NHSL1: variants seen among roughly 807,000 people sequenced by gnomAD.
The protein encoded by NHSL1 is NHS like 1.
NHSL1 carries 48 observed loss-of-function variants against 95.0 expected under a neutral mutation model. The ratio of observed to expected loss-of-function variants is 0.51; its 90% CI spans 0.40 to 0.64. The LOEUF is 0.64. Among genes scored for constraint, NHSL1 ranks in the 30% least tolerant of loss-of-function variants. NHSL1 has a pLI of 0.00. For missense variants in NHSL1, 1,971 were observed against 2,077.7 expected (o/e 0.95, Z 1.00); for synonymous variants, 783 against 833.9 (o/e 0.94, Z 1.05).
intron 1 of NHSL1, among the ~76,000 whole-genome samples, chr6:138,620,810 C>T (rs1161261163): frequency 6.6e-6 from 1 of 152,158 alleles, no homozygotes; most frequent in Non-Finnish European, 1.5e-5. Flanking sequence ...ACTGAGACTA[C>T]AGTAGATGGA....
At position 138,432,025 on chromosome 6, in the gene NHSL1, A is replaced by C; in HGVS notation, c.2320T>G (p.Ser774Ala). Residue 774 changes from serine (S) to alanine (A), a missense_variant, in exon 6 of 8, where the codon TCA (serine) becomes GCA (alanine). This residue lies in a region of NHSL1 where 1,602 missense variants were observed against 1,654.5 expected (regional missense o/e 0.97). Coordinates refer to ENST00000343505, the MANE Select transcript of NHSL1 (RefSeq NM_001144060.2). This position sits in a 1 kb window ranked among gnomAD's most constrained non-coding sequence, Gnocchi z 4.4. Reference sequence around the variant, plus strand: ...TAACCCCAGGGGTCCGTGTACTCTGACTTGACGCTGCTTGTGTCACTCTGC... The same window carrying C: ...TAACCCCAGGGGTCCGTGTACTCTGCCTTGACGCTGCTTGTGTCACTCTGC... Reference protein sequence around the residue: ...PSQSDTSSVKSEYTDPWGYYI... With the variant: ...PSQSDTSSVKAEYTDPWGYYI... The C allele has an allele frequency of 6.4e-7, 1 of 1,551,662 alleles. No individual in the cohort carries two copies. The highest frequency in any genetic ancestry group is 8.7e-7 in the Non-Finnish European group (1 of 1,146,980).
At chr6:138,544,538 T>C (rs1279145516) in intron 1 of NHSL1, among the ~76,000 whole-genome samples, 3 of 152,084 alleles carry the variant, frequency 2.0e-5, no homozygotes, top group African/African-American at 7.2e-5. Flanking sequence ...CAAAATAAGG[T>C]TAAAATTGCA....
chr6:138,437,504 A>G (rs1776268140), intron 5 of NHSL1, among the ~76,000 whole-genome samples: 1 of 149,916 alleles, frequency 6.7e-6, no homozygotes, highest in South Asian at 2.1e-4. Context: ...ATGAAGATGT[A>G]CAAAGTTTTC....
chr6:138,509,770 T>A (rs943136351), intron 1 of NHSL1, among the ~76,000 whole-genome samples: 8 of 152,170 alleles, frequency 5.3e-5, no homozygotes, highest in African/African-American at 1.9e-4. Context: ...ACATCACACC[T>A]TCAAAAAGAT....
intron 1 of NHSL1, among the ~76,000 whole-genome samples, chr6:138,661,089 T>C (rs981769161): frequency 1.3e-5 from 2 of 152,196 alleles, no homozygotes; most frequent in Non-Finnish European, 2.9e-5. Flanking sequence ...ATCAAGCTAA[T>C]TAGCATATCC....
At chr6:138,608,501 C>G (rs1443782814) in intron 1 of NHSL1, among the ~76,000 whole-genome samples, 1 of 152,160 alleles carries the variant, frequency 6.6e-6, no homozygotes, top group Non-Finnish European at 1.5e-5. Context: ...CTCAATAATT[C>G]CTGCTTTCTC....
At chr6:138,566,863 C>T (rs555490368) in intron 1 of NHSL1, among the ~76,000 whole-genome samples, 26 of 152,256 alleles carry the variant, frequency 1.7e-4, no homozygotes, top group African/African-American at 6.0e-4. Flanking sequence ...GTCTCTTTCA[C>T]AGAATGTCAA....
At chr6:138,466,646 T>C (rs1386139985) in intron 3 of NHSL1, among the ~76,000 whole-genome samples, 3 of 152,174 alleles carry the variant, frequency 2.0e-5, no homozygotes, top group African/African-American at 7.2e-5. Flanking sequence ...GGTGGTCCCA[T>C]AAGATCATAA....
intron 2 of NHSL1, among the ~76,000 whole-genome samples, chr6:138,478,731 T>C (rs550979529): frequency 6.6e-6 from 1 of 152,360 alleles, no homozygotes; most frequent in African/African-American, 2.4e-5. Context: ...CATATTCTTC[T>C]TGCAACAGAA....
intron 3 of NHSL1, chr6:138,464,119 C>G (rs551468164): frequency 1.9e-6 from 1 of 532,904 alleles, no homozygotes; most frequent in African/African-American, 2.0e-5. Flanking sequence ...CTATCCTCAC[C>G]GCTATCTGGT....
intron 3 of NHSL1, among the ~76,000 whole-genome samples, chr6:138,472,320 T>A (rs1778807385): frequency 6.6e-6 from 1 of 152,110 alleles, no homozygotes; most frequent in Non-Finnish European, 1.5e-5. Flanking sequence ...TACAATGGAG[T>A]GACCACAACT....
chr6:138,577,421 G>A (rs944055556), upstream of NHSL1, among the ~76,000 whole-genome samples: 1 of 152,202 alleles, frequency 6.6e-6, no homozygotes, highest in Non-Finnish European at 1.5e-5. Context: ...AACAAGAGAG[G>A]CAGCACCCTG....
At chr6:138,554,972 C>T (rs1363332040) in intron 1 of NHSL1, among the ~76,000 whole-genome samples, 1 of 152,190 alleles carries the variant, frequency 6.6e-6, no homozygotes, top group African/African-American at 2.4e-5. Context: ...GAGGAAACCA[C>T]AGCATTTAGG....
At chr6:138,565,192 C>T (rs900386132) in intron 1 of NHSL1, among the ~76,000 whole-genome samples, 8 of 149,724 alleles carry the variant, frequency 5.3e-5, no homozygotes, top group African/African-American at 1.2e-4. Context: ...CTGCAACCTC[C>T]GCCTCCTGGG....
intron 1 of NHSL1, among the ~76,000 whole-genome samples, chr6:138,527,801 C>T (rs1781972902): frequency 6.6e-6 from 1 of 152,200 alleles, no homozygotes; most frequent in Non-Finnish European, 1.5e-5. Flanking sequence ...GCAAGCTATG[C>T]ATGCATTGCC....
At chr6:138,600,266 C>T (rs558687566) in intron 1 of NHSL1, among the ~76,000 whole-genome samples, 4 of 152,166 alleles carry the variant, frequency 2.6e-5, no homozygotes, top group Non-Finnish European at 5.9e-5. Flanking sequence ...CCAGTTCTCA[C>T]TCTATTGCCC....
intron 2 of NHSL1, among the ~76,000 whole-genome samples, chr6:138,491,250 C>T (rs1364008489): frequency 6.6e-6 from 1 of 152,192 alleles, no homozygotes; most frequent in Non-Finnish European, 1.5e-5. Context: ...GGAATGTACA[C>T]AGAGACAGTA....
chr6:138,622,926 A>G (rs1313489012), intron 1 of NHSL1, among the ~76,000 whole-genome samples: 1 of 152,208 alleles, frequency 6.6e-6, no homozygotes, highest in East Asian at 1.9e-4. Context: ...CGCAGGGCAG[A>G]GGCGATAAAG....
intron 1 of NHSL1, among the ~76,000 whole-genome samples, chr6:138,602,334 A>G (rs1784382561): frequency 6.6e-6 from 1 of 151,820 alleles, no homozygotes; most frequent in Non-Finnish European, 1.5e-5. Flanking sequence ...AAATACGGTT[A>G]TTGTTTTCTG....
Sources: allele counts gnomAD v4.1 joint callset (sites outside exome capture counted in the v4.1 genomes callset), GRCh38; gene constraint gnomAD v4.1.1; regional missense constraint gnomAD v4.1.1; non-coding constraint Gnocchi (gnomAD v3.1); transcripts MANE v1.5; gene names NCBI Gene and HGNC (gene_info 2026-07-23, HGNC 2026-07-21).